SLC30A6: variants seen among roughly 807,000 people sequenced by gnomAD.
The protein encoded by SLC30A6 is zinc transporter 6.
A neutral mutation model predicts 63.0 loss-of-function variants in SLC30A6; 55 were observed. The ratio of observed to expected loss-of-function variants is 0.87; its 90% CI spans 0.70 to 1.09. The LOEUF is 1.09. Ranked by LOEUF, SLC30A6 falls within the 50% of genes least tolerant of loss-of-function variation. The pLI is 0.00. For missense variants in SLC30A6, 587 were observed against 549.2 expected, an observed-to-expected ratio of 1.07 and a Z score of -0.69; for synonymous variants, 224 against 186.1, an observed-to-expected ratio of 1.20 and a Z score of -1.66.
At chr2:32,188,126 C>T (rs2148841105) in intron 5 of SLC30A6, among the ~76,000 whole-genome samples, 1 of 152,266 alleles carries the variant, frequency 6.6e-6, no homozygotes, top group African/African-American at 2.4e-5. Flanking sequence ...AGGATACTGA[C>T]TTTCTTTTTG....
intron 10 of SLC30A6, chr2:32,202,129 A>G (rs1217801498): frequency 5.4e-6 from 4 of 738,540 alleles, no homozygotes; most frequent in Non-Finnish European, 8.9e-6. Context: ...AACCTTCTCC[A>G]ATCTTCCTAT....
At chr2:32,175,431 C>T (rs951845665) in intron 4 of SLC30A6, 70 bp downstream of exon 4, 12 of 1,346,332 alleles carry the variant, frequency 8.9e-6, no homozygotes, top group Non-Finnish European at 1.2e-5. Flanking sequence ...TATAGCCATA[C>T]AATTCAGCAA....
At chr2:32,202,486 C>T (rs528361283) in intron 10 of SLC30A6, 23 of 273,268 alleles carry the variant, frequency 8.4e-5, no homozygotes, top group South Asian at 7.3e-4. Flanking sequence ...CCCGCCACCA[C>T]CCCCGACTAT....
chr2:32,208,081 C>G (rs1375688887), intron 12 of SLC30A6, among the ~76,000 whole-genome samples: 2 of 151,946 alleles, frequency 1.3e-5, no homozygotes, highest in Non-Finnish European at 1.5e-5. Context: ...ATCCACCCGC[C>G]TCGGCCTCCC....
At chr2:32,193,822 T>G in intron 7 of SLC30A6, 67 bp from the exon 8 acceptor site, 1 of 1,239,724 alleles carries the variant, frequency 8.1e-7, no homozygotes, top group Non-Finnish European at 1.2e-6. Flanking sequence ...TCCCTCTACG[T>G]ATTGAAATTA....
intron 5 of SLC30A6, among the ~76,000 whole-genome samples, chr2:32,190,088 C>T (rs1374993698): frequency 4.6e-5 from 7 of 152,018 alleles, no homozygotes; most frequent in Non-Finnish European, 7.3e-5. Context: ...TAATCTGTAA[C>T]AGTTCTTTAT....
chr2:32,193,821 G>A (rs1191592400), intron 7 of SLC30A6, 68 bp from the exon 8 acceptor site: 22 of 1,230,360 alleles, frequency 1.8e-5, no homozygotes, highest in Admixed American at 5.3e-5. Flanking sequence ...GTCCCTCTAC[G>A]TATTGAAATT....
chr2:32,186,685 C>T (rs1241266928), intron 5 of SLC30A6, among the ~76,000 whole-genome samples: 4 of 150,170 alleles, frequency 2.7e-5, no homozygotes, highest in African/African-American at 4.9e-5. Flanking sequence ...GAGCGAGACT[C>T]TGTCTCAAAA....
chr2:32,185,878 C>G (rs1002298842), intron 5 of SLC30A6, among the ~76,000 whole-genome samples: 4 of 151,054 alleles, frequency 2.6e-5, no homozygotes, highest in African/African-American at 9.8e-5. Flanking sequence ...TGCCACCACG[C>G]CTGGCTCAGT....
intron 13 of SLC30A6, among the ~76,000 whole-genome samples, chr2:32,212,894 A>ATTTTTTTTTTTTTTT (rs10522618): frequency 8.5e-6 from 1 of 118,258 alleles, no homozygotes; most frequent in African/African-American, 3.2e-5. Context: ...TGTGTCCAGC[A>ATTTTTTTTTTTTTTT]TTTTTTTTTT....
chr2:32,194,056 G>A (rs879651255), intron 8 of SLC30A6, 73 bp downstream of exon 8: 41 of 1,207,690 alleles, frequency 3.4e-5, no homozygotes, highest in Admixed American at 1.2e-4. Context: ...TGTTTGTTTC[G>A]TTCACTCAGA....
rs1036645470 is a variant in SLC30A6, at chr2:32,222,370, A to G, written c.*1657A>G. 1.3e-5 allele frequency: 2 copies of G among 152,220 alleles called. No individual in the cohort carries two copies. The highest frequency in any genetic ancestry group is 1.3e-4 in the Admixed American group (2 of 15,276). 9.4% of individuals were successfully genotyped at this position (152,220 alleles called of 1,614,324 possible). A position where few individuals can be genotyped will look rare whatever the true frequency, so the allele number is the denominator to read the frequency against. On this transcript the variant is annotated 3_prime_UTR_variant, in exon 14 of 14. Transcript: ENST00000282587. ...CTGGAGATTTATGACTTTCCCAGCCATCAGCCAGCTATCTAGAGAAGATTT... is the reference window on the plus strand; with the variant it reads ...CTGGAGATTTATGACTTTCCCAGCCGTCAGCCAGCTATCTAGAGAAGATTT...
At chr2:32,187,970 A>G (rs898266955) in intron 5 of SLC30A6, among the ~76,000 whole-genome samples, 1 of 152,282 alleles carries the variant, frequency 6.6e-6, no homozygotes. Context: ...AACCTGTATC[A>G]TATTATCCCT....
At chr2:32,203,598 T>C (rs1684483737) in intron 10 of SLC30A6, 5 of 1,593,126 alleles carry the variant, frequency 3.1e-6, no homozygotes, top group Non-Finnish European at 4.3e-6. Flanking sequence ...AAATACAGGA[T>C]GTCAGCTGTG....
chr2:32,178,059 T>C (rs895011625), intron 4 of SLC30A6, among the ~76,000 whole-genome samples: 1 of 150,954 alleles, frequency 6.6e-6, no homozygotes, highest in African/African-American at 2.4e-5. Context: ...GCCATTCTCC[T>C]GCCTCAGCCT....
At chr2:32,212,940 C>A (rs1685382252) in intron 13 of SLC30A6, among the ~76,000 whole-genome samples, 1 of 136,180 alleles carries the variant, frequency 7.3e-6, no homozygotes, top group South Asian at 2.4e-4. Flanking sequence ...AGCGTCCTGC[C>A]CTGTCACCTA....
intron 10 of SLC30A6, chr2:32,203,549 G>A (rs1684479382): frequency 6.2e-7 from 1 of 1,604,556 alleles, no homozygotes; most frequent in Admixed American, 1.7e-5. Flanking sequence ...GATCACCTCT[G>A]ATAGGGATTT....
intron 13 of SLC30A6, among the ~76,000 whole-genome samples, chr2:32,210,532 AAAAAAACAACAG>A (rs1290651839): frequency 1.4e-5 from 2 of 143,024 alleles, no homozygotes; most frequent in African/African-American, 5.2e-5. Context: ...AAAAAAAAAA[AAAAAAACAACAG>A]AAAATGAGAT....
chr2:32,174,011 C>T (rs1385573169), intron 2 of SLC30A6, 52 bp from the exon 3 acceptor site: 1 of 1,370,318 alleles, frequency 7.3e-7, no homozygotes, highest in Non-Finnish European at 1.0e-6. Flanking sequence ...TTGAACAGAC[C>T]CCGTGAAATT....
Sources: gnomAD v4.1 joint callset for allele counts (sites outside exome capture counted in the v4.1 genomes callset) on GRCh38, gnomAD v4.1.1 for gene constraint, MANE v1.5 for transcripts, NCBI Gene and HGNC (gene_info 2026-07-23, HGNC 2026-07-21) for gene names.